Variants in CHD1 observed in about 807,000 individuals in gnomAD.
CHD1 encodes chromodomain helicase DNA binding protein 1.
A neutral mutation model predicts 224.2 loss-of-function variants in CHD1; 36 were observed. That is an observed-to-expected ratio of 0.16 (90% CI 0.12 to 0.21). CHD1 has a LOEUF of 0.21. Ranked by LOEUF, CHD1 falls within the 10% of genes least tolerant of loss-of-function variation. CHD1 has a pLI of 1.00. For synonymous variants in CHD1, 668 were observed against 658.3 expected (o/e 1.01, Z -0.23); for missense variants, 1,378 against 1,994.8 (o/e 0.69, Z 5.89).
intron 23 of CHD1, among the ~76,000 whole-genome samples, chr5:98,877,401 C>T (rs1419185651): frequency 6.6e-6 from 1 of 152,138 alleles, no homozygotes; most frequent in Non-Finnish European, 1.5e-5. Flanking sequence ...TGTTATCAGT[C>T]CTATCTCTGG....
chr5:98,905,210 A>C (rs1339179267), intron 2 of CHD1, 112 bp from the exon 3 acceptor site: 1 of 1,289,268 alleles, frequency 7.8e-7, no homozygotes, highest in Admixed American at 2.6e-5. Flanking sequence ...TTAATATTTC[A>C]ACTATCTTTG....
At chr5:98,875,010 T>C (rs1749646515) in intron 25 of CHD1, 62 bp downstream of exon 25, 2 of 849,708 alleles carry the variant, frequency 2.4e-6, no homozygotes, top group Admixed American at 4.9e-5. Context: ...TTAATACAAA[T>C]AAATAAAGGT....
At chr5:98,912,541 C>T (rs1286029000) in intron 2 of CHD1, among the ~76,000 whole-genome samples, 1 of 152,002 alleles carries the variant, frequency 6.6e-6, no homozygotes, top group Non-Finnish European at 1.5e-5. Flanking sequence ...TGTGGTGGCA[C>T]ATGCTCGTGT....
At chr5:98,884,243 T>A (rs1300811976) in intron 18 of CHD1, among the ~76,000 whole-genome samples, 2 of 151,686 alleles carry the variant, frequency 1.3e-5, no homozygotes, top group Admixed American at 6.6e-5. Context: ...CCAGCTAATT[T>A]TTTTGTATTT....
rs548161549 is a variant in CHD1, at chr5:98,922,447, T to C, written c.53+3887A>G. Among the ~76,000 whole-genome samples the C allele has an allele frequency of 1.2e-4, 19 of 152,310 alleles. No individual in the cohort carries two copies. The South Asian group carries it at 2.1e-3, about 17-fold the overall frequency. ...TCTTCTTCCTTTCAGTGAATAGTTA[T>C]AGAGAGATCTCCAGACAGAAAGAAT... On this transcript the variant is annotated intron_variant, in intron 2 of 35. Coordinates refer to ENST00000614616, the MANE Select transcript of CHD1 (RefSeq NM_001270.4).
chr5:98,864,650 C>T (rs1328019848), intron 31 of CHD1, among the ~76,000 whole-genome samples: 1 of 151,754 alleles, frequency 6.6e-6, no homozygotes, highest in African/African-American at 2.4e-5. Flanking sequence ...GATCATGCCA[C>T]TGGCACTGCA....
chr5:98,922,604 T>C (rs1432280541), intron 2 of CHD1, among the ~76,000 whole-genome samples: 1 of 152,210 alleles, frequency 6.6e-6, no homozygotes, highest in African/African-American at 2.4e-5. Context: ...AAATACATTA[T>C]AGAATTCTAG....
chr5:98,863,371 T>C, intron 32 of CHD1, 37 bp downstream of exon 32: 1 of 1,218,010 alleles, frequency 8.2e-7, no homozygotes, highest in Non-Finnish European at 1.1e-6. Flanking sequence ...AGTTATATAA[T>C]ATAAATTTAA....
intron 12 of CHD1, among the ~76,000 whole-genome samples, chr5:98,895,808 A>C (rs574354687): frequency 1.2e-4 from 18 of 152,126 alleles, no homozygotes; most frequent in Middle Eastern, 3.4e-3. Flanking sequence ...CTAAACCAAA[A>C]CTGACTTTGT....
At chr5:98,891,762 G>C (rs1751034266) in intron 15 of CHD1, among the ~76,000 whole-genome samples, 1 of 152,170 alleles carries the variant, frequency 6.6e-6, no homozygotes, top group African/African-American at 2.4e-5. Context: ...AGTGAGCCAA[G>C]ATTGTGCCAC....
At chr5:98,885,096 G>C (rs1750553686) in intron 18 of CHD1, among the ~76,000 whole-genome samples, 1 of 151,980 alleles carries the variant, frequency 6.6e-6, no homozygotes, top group South Asian at 2.1e-4. Context: ...TGATAATAAA[G>C]AGTAAAATTC....
intron 18 of CHD1, chr5:98,883,847 ATATATATATATATATTTTT>A (rs1249944955): frequency 4.8e-4 from 17 of 35,262 alleles, no homozygotes; most frequent in African/African-American, 1.0e-3. Context: ...ATATATATAT[ATATATATATATATATTTTT>A]TTTTTTTTTT....
At chr5:98,901,573 AATG>A (rs756162685) in intron 5 of CHD1, among the ~76,000 whole-genome samples, 1 of 152,174 alleles carries the variant, frequency 6.6e-6, no homozygotes, top group Non-Finnish European at 1.5e-5. Context: ...ACAGCAAATA[AATG>A]ATATTTTAAT....
intron 17 of CHD1, among the ~76,000 whole-genome samples, chr5:98,886,998 G>A (rs1038912582): frequency 1.3e-5 from 2 of 151,978 alleles, no homozygotes; most frequent in Non-Finnish European, 2.9e-5. Context: ...AGAAGAGGAA[G>A]GCAAATGGAA....
At chr5:98,926,608 A>G in intron 1 of CHD1, 74 bp from the exon 2 acceptor site, 3 of 329,202 alleles carry the variant, frequency 9.1e-6, no homozygotes, top group Non-Finnish European at 1.6e-5. Flanking sequence ...TCTAAAACGT[A>G]TAAATCTACG....
At chr5:98,859,520 C>G (rs1748304675) in intron 33 of CHD1, among the ~76,000 whole-genome samples, 2 of 152,078 alleles carry the variant, frequency 1.3e-5, no homozygotes, top group African/African-American at 4.8e-5. Flanking sequence ...AGAAGAGTAG[C>G]AGACAGTTAT....
chr5:98,855,510 A>G lies in CHD1; in HGVS notation c.*870T>C, dbSNP rs1747957646. On this transcript the variant is annotated 3_prime_UTR_variant, in exon 36 of 36. Transcript: ENST00000614616. ...GCCATTTTTTAAAACTACAAACACA[A>G]TATTGACTAAAAAAGGAAAAAAAAG... is the stretch of plus-strand genomic sequence containing the variant. 2 of 152,304 alleles carry G rather than the reference A, an allele frequency of 1.3e-5. No individual in the cohort carries two copies. Among genetic ancestry groups the G allele is most frequent in the Admixed American group, 6.6e-5 (1 of 15,264 alleles). 9.4% of individuals were successfully genotyped at this position (152,304 alleles called of 1,614,324 possible).
intron 18 of CHD1, chr5:98,883,842 TATATATATATATATATATA>T (rs1302179167): frequency 0.087 from 4,155 of 48,026 alleles, 89 homozygotes; most frequent in African/African-American, 0.14. Context: ...TATATATATA[TATATATATATATATATATA>T]TTTTTTTTTT....
rs986785297 is a variant in CHD1, at chr5:98,883,033, A to G, written c.2718+55T>C. On this transcript the variant is annotated intron_variant, in intron 19 of 35. Transcript: ENST00000614616. ...GAGGATAAACTGAAATCACTTCCAA[A>G]AAAAAAAAAAGAATTCTAAAACAGC... is the stretch of plus-strand genomic sequence containing the variant. 6.1e-6 allele frequency: 7 copies of G among 1,145,026 alleles called. No individual in the cohort carries two copies. The African/African-American group carries it at 9.6e-5, about 16-fold the overall frequency. 70.9% of individuals were successfully genotyped at this position (1,145,026 alleles called of 1,614,324 possible).
Sources: gnomAD v4.1 joint callset for allele counts (sites outside exome capture counted in the v4.1 genomes callset) on GRCh38, gnomAD v4.1.1 for gene constraint, MANE v1.5 for transcripts, NCBI Gene and HGNC (gene_info 2026-07-23, HGNC 2026-07-21) for gene names.